TPPP: variants seen among roughly 807,000 people sequenced by gnomAD.
The protein encoded by TPPP is tubulin polymerization-promoting protein.
A neutral mutation model predicts 15.5 loss-of-function variants in TPPP; 6 were observed. The ratio of observed to expected loss-of-function variants is 0.39; its 90% CI spans 0.21 to 0.77. The LOEUF (loss-of-function observed/expected upper bound fraction) is 0.77, where lower values mean the gene tolerates loss of function less well. Ranked by LOEUF, TPPP falls within the 30% of genes least tolerant of loss-of-function variation. The probability of loss-of-function intolerance (pLI) is 0.42; values close to 1 mark genes in which losing one functional copy is unlikely to be tolerated. For synonymous variants in TPPP, 146 were observed against 133.9 expected (o/e 1.09, Z -0.63); for missense variants, 269 against 307.2 (o/e 0.88, Z 0.93).
intron 1 of TPPP, among the ~76,000 whole-genome samples, chr5:679,113 C>T (rs557888408): frequency 1.3e-5 from 2 of 152,182 alleles, no homozygotes; most frequent in Admixed American, 1.3e-4. Context: ...GTGTCCCAAC[C>T]CTGGGACTCA....
At chr5:668,387 G>A (rs1452667807) in intron 2 of TPPP, among the ~76,000 whole-genome samples, 3 of 100,452 alleles carry the variant, frequency 3.0e-5, no homozygotes, top group Admixed American at 9.4e-5. Context: ...CGTGGGCCTC[G>A]TCAGGGAAGT....
intron 2 of TPPP, among the ~76,000 whole-genome samples, chr5:675,491 T>G (rs7705744): frequency 0.02 from 582 of 28,832 alleles, 24 homozygotes; most frequent in African/African-American, 0.13. Flanking sequence ...CAGGGGTACA[T>G]TGTGGCCGGG....
chr5:682,202 G>A (rs1260897977), intron 1 of TPPP, among the ~76,000 whole-genome samples: 2 of 147,962 alleles, frequency 1.4e-5, no homozygotes, highest in African/African-American at 5.2e-5. Flanking sequence ...AAACCCGGGT[G>A]TCCATGTGGC....
upstream of TPPP, chr5:693,446 GCCCGCCCAGCGT>G: frequency 7.0e-6 from 1 of 143,794 alleles, no homozygotes; most frequent in Non-Finnish European, 1.5e-5. Context: ...AGCGTCCGGC[GCCCGCCCAGCGT>G]CCCGCCCCGC....
chr5:700,299 G>A, the TPPP span, among the ~76,000 whole-genome samples: 11,700 of 151,342 alleles, frequency 0.077, 1,364 homozygotes, highest in African/African-American at 0.27. Flanking sequence ...GAGCAACATG[G>A]ATAGAGGCCA....
At chr5:670,991 G>C (rs1032469118) in intron 2 of TPPP, among the ~76,000 whole-genome samples, 1 of 152,194 alleles carries the variant, frequency 6.6e-6, no homozygotes, top group Non-Finnish European at 1.5e-5. Flanking sequence ...ACTGGGCCAC[G>C]GCAGCTCAGG....
intron 2 of TPPP, among the ~76,000 whole-genome samples, chr5:674,074 C>T (rs189993380): frequency 1.3e-4 from 20 of 152,380 alleles, no homozygotes; most frequent in African/African-American, 2.2e-4. Flanking sequence ...CACATGGGGC[C>T]GGCCCTGCAG....
intron 2 of TPPP, among the ~76,000 whole-genome samples, chr5:675,332 AGTG>A (rs1740381471): frequency 2.7e-5 from 1 of 36,626 alleles, no homozygotes; most frequent in African/African-American, 1.2e-4. Context: ...CCGGGGGTGC[AGTG>A]TGGCTGGGGG....
intron 1 of TPPP, among the ~76,000 whole-genome samples, chr5:681,661 G>A (rs1740626262): frequency 6.6e-6 from 1 of 152,060 alleles, no homozygotes; most frequent in Non-Finnish European, 1.5e-5. Flanking sequence ...TGGAGGCTGA[G>A]CCCACCCCAC....
upstream of TPPP, among the ~76,000 whole-genome samples, chr5:697,159 G>T (rs1257459083): frequency 6.7e-6 from 1 of 148,672 alleles, no homozygotes; most frequent in South Asian, 2.1e-4. Flanking sequence ...TAAAGTGCAG[G>T]TTCCGGGTCT....
Position 665,207 on chromosome 5 carries a change from C to T in TPPP, c.555G>A (p.Lys185=). The change falls in exon 4 of 4, where the codon AAG becomes AAA. Residue 185 remains lysine (K), a synonymous_variant. Transcript: ENST00000360578. ...SHKERFDPSG[K]GKGKAGRVDL... is the part of the protein sequence containing the mutation. The stretch of plus-strand genomic sequence containing the variant: ...CCACGCGGCCAGCCTTGCCCTTGCC[C>T]TTGCCAGAGGGGTCGAAGCGCTCCT... The T allele has an allele frequency of 1.2e-6, 2 of 1,613,904 alleles. No individual in the cohort carries two copies. The highest frequency in any genetic ancestry group is 2.2e-5 in the East Asian group (1 of 44,878).
intron 2 of TPPP, among the ~76,000 whole-genome samples, chr5:672,194 C>T (rs1195413742): frequency 6.6e-6 from 1 of 152,164 alleles, no homozygotes; most frequent in East Asian, 1.9e-4. Flanking sequence ...GACCACAGAC[C>T]CCAGTGCCGG....
At chr5:667,857 G>A (rs71585294) in intron 2 of TPPP, among the ~76,000 whole-genome samples, 12,598 of 81,000 alleles carry the variant, frequency 0.16, 1,067 homozygotes, top group East Asian at 0.3. Flanking sequence ...CGTGGGCGCC[G>A]TCAGGGAAGT....
In TPPP at chr5:686,989, C is replaced by T; in HGVS notation, c.-5+6289G>A. 1.4e-5 allele frequency among the ~76,000 whole-genome samples: 2 copies of T among 140,796 alleles called. 1 individual carries two copies. The highest frequency in any genetic ancestry group is 3.2e-5 in the Non-Finnish European group (2 of 61,926). The allele number at this position is 140,796 out of a possible 152,430, so 92.4% of individuals were successfully genotyped here. ...GTGCCTTGATCTTGGACTCTCCAGC[C>T]CCCAGAACTGTGAGAAGTGAACATA... On this transcript the variant is annotated intron_variant, in intron 1 of 3. Coordinates refer to ENST00000360578, the MANE Select transcript of TPPP (RefSeq NM_007030.3).
chr5:683,379 G>C (rs1032115930), intron 1 of TPPP, among the ~76,000 whole-genome samples: 1 of 152,210 alleles, frequency 6.6e-6, no homozygotes, highest in Admixed American at 6.5e-5. Context: ...CATCAGGCAC[G>C]CACGCCACAC....
Position 664,888 on chromosome 5 carries a change from C to T in TPPP, c.*214G>A, listed in dbSNP as rs1739828851. 1 of 588,444 alleles carries T rather than the reference C, an allele frequency of 1.7e-6. No individual in the cohort carries two copies. The highest frequency in any genetic ancestry group is 3.0e-6 in the Non-Finnish European group (1 of 332,694). 36.5% of individuals were successfully genotyped at this position (588,444 alleles called of 1,614,324 possible). On this transcript the variant is annotated 3_prime_UTR_variant, in exon 4 of 4. Coordinates refer to ENST00000360578, the MANE Select transcript of TPPP (RefSeq NM_007030.3). ...GAGGCAGGTGTATTAGGAGGGTCAG[C>T]GAACTGGGGCCCAAACCTGGTTTGA...
chr5:667,739 T>C (rs1355481311), intron 2 of TPPP, among the ~76,000 whole-genome samples: 3 of 150,974 alleles, frequency 2.0e-5, no homozygotes, highest in Admixed American at 6.6e-5. Flanking sequence ...GCAGAATATT[T>C]GAAGCAGACA....
intron 1 of TPPP, among the ~76,000 whole-genome samples, chr5:678,808 TG>T (rs1472739046): frequency 6.6e-6 from 1 of 152,176 alleles, no homozygotes; most frequent in East Asian, 1.9e-4. Flanking sequence ...AGTAGGCGGC[TG>T]GGCCATGGGG....
chr5:673,467 G>T (rs149341050), intron 2 of TPPP, among the ~76,000 whole-genome samples: 24 of 152,154 alleles, frequency 1.6e-4, no homozygotes, highest in Non-Finnish European at 2.6e-4. Flanking sequence ...AATGGGGAGG[G>T]GGGGAGGTCA....
Sources: gnomAD v4.1 joint callset for allele counts (sites outside exome capture counted in the v4.1 genomes callset) on GRCh38, gnomAD v4.1.1 for gene constraint, MANE v1.5 for transcripts, NCBI Gene and HGNC (gene_info 2026-07-23, HGNC 2026-07-21) for gene names.